The following HDAC9 variants were observed in gnomAD, a reference collection of about 807,000 sequenced individuals.
HDAC9 encodes MEF-2 interacting transcription repressor (MITR) protein.
Under a neutral mutation model 139.4 loss-of-function variants are expected in HDAC9, and 41 were observed. That is an observed-to-expected ratio of 0.29 (90% confidence interval 0.23 to 0.38). HDAC9 has a LOEUF of 0.38. Among genes scored for constraint, HDAC9 ranks in the 10% least tolerant of loss-of-function variants. HDAC9 has a pLI of 1.00. For missense variants in HDAC9, 1,147 were observed against 1,297.0 expected, an observed-to-expected ratio of 0.88 and a Z score of 1.78; for synonymous variants, 517 against 476.2, an observed-to-expected ratio of 1.09 and a Z score of -1.12.
chr7:18,621,909 C>G (rs921615872), intron 6 of HDAC9, among the ~76,000 whole-genome samples: 1 of 152,170 alleles, frequency 6.6e-6, no homozygotes, highest in Non-Finnish European at 1.5e-5. Context: ...TCTTTCATAA[C>G]TGTAGTGATT....
intron 1 of HDAC9, among the ~76,000 whole-genome samples, chr7:18,321,332 T>A (rs1800015693): frequency 6.6e-6 from 1 of 152,216 alleles, no homozygotes; most frequent in African/African-American, 2.4e-5. Flanking sequence ...ATCTACCTTA[T>A]TCATCTCCCT....
At chr7:18,276,144 A>G (rs938257076) in intron 2 of HDAC9, among the ~76,000 whole-genome samples, 2 of 152,236 alleles carry the variant, frequency 1.3e-5, no homozygotes, top group African/African-American at 2.4e-5. Flanking sequence ...AATAATTGCA[A>G]TCATAGTATA....
At chr7:18,250,963 G>A (rs966814271) in intron 2 of HDAC9, among the ~76,000 whole-genome samples, 3 of 151,722 alleles carry the variant, frequency 2.0e-5, no homozygotes, top group African/African-American at 7.3e-5. Context: ...TCTTTTTAAT[G>A]GGTTTGTAGA....
chr7:18,147,245 C>T (rs765402304), intron 1 of HDAC9, among the ~76,000 whole-genome samples: 1 of 152,042 alleles, frequency 6.6e-6, no homozygotes, highest in African/African-American at 2.4e-5. Context: ...GCAGAAGAAA[C>T]CCTCCCAATG....
chr7:18,763,641 GT>G (rs1240583223), intron 15 of HDAC9, among the ~76,000 whole-genome samples: 1 of 151,926 alleles, frequency 6.6e-6, no homozygotes, highest in Non-Finnish European at 1.5e-5. Context: ...TATAATAAAT[GT>G]TCTTATTTTA....
intron 2 of HDAC9, among the ~76,000 whole-genome samples, chr7:18,561,865 GT>G (rs1220338486): frequency 6.6e-6 from 1 of 152,182 alleles, no homozygotes; most frequent in Non-Finnish European, 1.5e-5. Context: ...TATTTGGATT[GT>G]TTCGCCTTTT....
intron 2 of HDAC9, among the ~76,000 whole-genome samples, chr7:18,581,595 T>C (rs1453263833): frequency 2.6e-5 from 4 of 152,204 alleles, no homozygotes; most frequent in African/African-American, 9.6e-5. Flanking sequence ...TTACATTTTG[T>C]CTTTATAGGG....
At chr7:18,682,364 C>A (rs1781946395) in intron 12 of HDAC9, among the ~76,000 whole-genome samples, 1 of 151,822 alleles carries the variant, frequency 6.6e-6, no homozygotes. Context: ...ATTTATAGTT[C>A]TTTGTGTATG....
chr7:18,815,850 C>T (rs1157741172), intron 17 of HDAC9, among the ~76,000 whole-genome samples: 1 of 152,158 alleles, frequency 6.6e-6, no homozygotes, highest in Non-Finnish European at 1.5e-5. Flanking sequence ...GGCAAATATC[C>T]CTACTTCCCT....
In HDAC9 at chr7:18,619,251, CAT is replaced by C. The variant is rs1839551399; in HGVS notation, c.665-10098_665-10097del. Among the ~76,000 whole-genome samples, 4 of 152,120 alleles carry C rather than the reference CAT, an allele frequency of 2.6e-5. No individual in the cohort carries two copies. The South Asian group carries it at 8.3e-4, about 31-fold the overall frequency. ...TGAGACCTCTTGCCATGACATTCAG[CAT>C]CAAGAAATTCTTAGAAATTAGGGTA... On this transcript the variant is annotated intron_variant, in intron 6 of 25. Transcript: ENST00000686413.
At chr7:18,981,194 G>A (rs1784927334) in intron 25 of HDAC9, among the ~76,000 whole-genome samples, 1 of 152,036 alleles carries the variant, frequency 6.6e-6, no homozygotes, top group Non-Finnish European at 1.5e-5. Context: ...CTATACTTGG[G>A]CATCTATACC....
intron 21 of HDAC9, among the ~76,000 whole-genome samples, chr7:18,874,015 T>C (rs911203394): frequency 5.3e-5 from 8 of 151,052 alleles, no homozygotes; most frequent in African/African-American, 2.0e-4. Context: ...TTTTTTTTTT[T>C]AAGTTGGGAA....
chr7:18,492,530 C>T (rs1272728355), upstream of HDAC9, among the ~76,000 whole-genome samples: 1 of 151,340 alleles, frequency 6.6e-6, no homozygotes, highest in Non-Finnish European at 1.5e-5. Context: ...CTTTTTTTAC[C>T]TTTTTCTTTG....
intron 21 of HDAC9, among the ~76,000 whole-genome samples, chr7:18,861,632 T>A (rs1798117293): frequency 6.6e-6 from 1 of 152,148 alleles, no homozygotes; most frequent in Non-Finnish European, 1.5e-5. Context: ...CAGAGACACA[T>A]TGGGCAATAT....
At chr7:18,436,686 A>C (rs1791232178) in intron 1 of HDAC9, among the ~76,000 whole-genome samples, 1 of 152,228 alleles carries the variant, frequency 6.6e-6, no homozygotes, top group Non-Finnish European at 1.5e-5. Context: ...TTTCATAAAA[A>C]TTTGCATGTG....
Position 18,391,112 on chromosome 7 carries a change from C to T in HDAC9, c.-42+100597C>T, listed in dbSNP as rs1392410191. On this transcript the variant is annotated intron_variant, in intron 1 of 3. Transcript: ENST00000413509. ...TCAAAGAACAAAGTTCAGCCAGGCG[C>T]GGTGGCTCATGCCTGTAATCCTAGC... Among the ~76,000 whole-genome samples, 5 of 152,020 alleles carry T rather than the reference C, an allele frequency of 3.3e-5. No homozygotes were observed. The East Asian group carries it at 7.8e-4, about 24-fold the overall frequency.
chr7:18,467,016 T>C (rs917610711), intron 1 of HDAC9, among the ~76,000 whole-genome samples: 1 of 152,214 alleles, frequency 6.6e-6, no homozygotes, highest in Non-Finnish European at 1.5e-5. Context: ...AGAGCTTCAA[T>C]TACTGTCTAT....
At chr7:18,152,174 CAG>C (rs1206000880) in intron 1 of HDAC9, among the ~76,000 whole-genome samples, 1 of 151,900 alleles carries the variant, frequency 6.6e-6, no homozygotes, top group Non-Finnish European at 1.5e-5. Context: ...GTTTGTAACA[CAG>C]AGGCCCTGAA....
chr7:18,899,317 C>T (rs1170617871), intron 22 of HDAC9: 2 of 151,866 alleles, frequency 1.3e-5, no homozygotes, highest in Non-Finnish European at 2.9e-5. Context: ...ACCTGATGTA[C>T]TGGTATAATT....
Sources: gnomAD v4.1 joint callset for allele counts (sites outside exome capture counted in the v4.1 genomes callset) on GRCh38, gnomAD v4.1.1 for gene constraint, MANE v1.5 for transcripts, NCBI Gene and HGNC (gene_info 2026-07-23, HGNC 2026-07-21) for gene names.